Variants in KIAA1217 observed in about 807,000 individuals in gnomAD.
The protein encoded by KIAA1217 is KIAA1217.
In KIAA1217, 88 loss-of-function variants were observed where a neutral mutation model predicts 163.9. That is an observed-to-expected ratio of 0.54 (90% CI 0.45 to 0.64). The LOEUF (loss-of-function observed/expected upper bound fraction) is 0.64. Ranked by LOEUF, KIAA1217 falls within the 30% of genes least tolerant of loss-of-function variation. The pLI is 0.00. For synonymous variants in KIAA1217, 903 were observed against 923.1 expected (o/e 0.98, Z 0.39); for missense variants, 2,372 against 2,475.0 (o/e 0.96, Z 0.88).
intron 10 of KIAA1217, among the ~76,000 whole-genome samples, chr10:24,519,683 A>T (rs1458068572): frequency 6.6e-6 from 1 of 152,164 alleles, no homozygotes; most frequent in Non-Finnish European, 1.5e-5. Flanking sequence ...CAAATGCTGA[A>T]GTTGAAAAGC....
chr10:24,520,651 A>AATAT (rs71472811), intron 11 of KIAA1217, among the ~76,000 whole-genome samples: 649 of 39,512 alleles, frequency 0.016, 27 homozygotes, highest in South Asian at 0.034. Flanking sequence ...AAAAAAAAAA[A>AATAT]ATATATATAT....
At chr10:23,824,653 AAAAAAATATATAT>A (rs1564453864) in intron 1 of KIAA1217, among the ~76,000 whole-genome samples, 2 of 108,790 alleles carry the variant, frequency 1.8e-5, no homozygotes, top group East Asian at 4.5e-4. Context: ...AAAAAAAATA[AAAAAAATATATAT>A]ATATATATAT....
chr10:24,250,036 AG>A (rs2074290922), intron 2 of KIAA1217, among the ~76,000 whole-genome samples: 1 of 152,154 alleles, frequency 6.6e-6, no homozygotes, highest in Non-Finnish European at 1.5e-5. Context: ...GATGCACCAA[AG>A]GGTGGAGTTG....
At chr10:24,520,687 C>CACAA (rs1269831674) in intron 11 of KIAA1217, among the ~76,000 whole-genome samples, 30 of 81,470 alleles carry the variant, frequency 3.7e-4, no homozygotes, top group East Asian at 4.7e-4. Flanking sequence ...CACACACACA[C>CACAA]AAAAAAAAAT....
At chr10:23,934,606 T>TATGTATATATGTATATATAC (rs1491195575) in intron 1 of KIAA1217, among the ~76,000 whole-genome samples, 1 of 76,278 alleles carries the variant, frequency 1.3e-5, no homozygotes, top group African/African-American at 1.4e-4. Flanking sequence ...TATATATATA[T>TATGTATATATGTATATATAC]GTATATATAT....
chr10:23,994,590 AG>A (rs1846380400), intron 1 of KIAA1217, among the ~76,000 whole-genome samples: 1 of 152,214 alleles, frequency 6.6e-6, no homozygotes, highest in East Asian at 1.9e-4. Context: ...GTGGAAGCCA[AG>A]ATCATGTCTG....
chr10:24,361,982 CAAAAAAA>C (rs68117028), intron 2 of KIAA1217, among the ~76,000 whole-genome samples: 5 of 100,572 alleles, frequency 5.0e-5, no homozygotes, highest in Non-Finnish European at 5.9e-5. Context: ...GACTCTGTCT[CAAAAAAA>C]AAAAAAAAAA....
intron 3 of KIAA1217, among the ~76,000 whole-genome samples, chr10:24,426,039 G>A (rs1409024372): frequency 6.6e-6 from 1 of 152,130 alleles, no homozygotes; most frequent in Non-Finnish European, 1.5e-5. Context: ...TTTGCCACTG[G>A]TATTGCAGAT....
intron 8 of KIAA1217, among the ~76,000 whole-genome samples, chr10:24,500,907 A>T (rs1262979397): frequency 6.6e-6 from 1 of 152,030 alleles, no homozygotes; most frequent in Non-Finnish European, 1.5e-5. Flanking sequence ...ATACGGTGAG[A>T]CCCTGTTCTC....
At position 24,128,133 on chromosome 10, in the gene KIAA1217, G is replaced by A. The variant is rs531342811; in HGVS notation, c.-170-91493G>A. ...AGGCGGAGTCTGTTGTTAGCTGCAT[G>A]ATGAGAGCGGAGACGCTGAATCTTT... On this transcript the variant is annotated intron_variant, in intron 2 of 18. Transcript: ENST00000376462. Among the ~76,000 whole-genome samples the A allele has an allele frequency of 2.5e-4, 38 of 152,312 alleles. No homozygotes were observed. In the South Asian group the frequency reaches 7.2e-3, roughly 29 times the overall value.
At chr10:23,770,996 T>A (rs1034387255) in intron 1 of KIAA1217, among the ~76,000 whole-genome samples, 2 of 152,222 alleles carry the variant, frequency 1.3e-5, no homozygotes, top group Admixed American at 1.3e-4. Flanking sequence ...GATCAGCCCT[T>A]TTCTCCTTTC....
chr10:24,340,244 A>G (rs950516192), intron 2 of KIAA1217, among the ~76,000 whole-genome samples: 1 of 152,128 alleles, frequency 6.6e-6, no homozygotes, highest in African/African-American at 2.4e-5. Flanking sequence ...TTTGAATTGT[A>G]GCTCCCACAG....
chr10:24,169,405 A>G (rs144572427), intron 2 of KIAA1217, among the ~76,000 whole-genome samples: 2,597 of 124,214 alleles, frequency 0.021, 27 homozygotes, highest in Middle Eastern at 0.089. Flanking sequence ...GAATAAGACC[A>G]CCATCAGTCT....
intron 1 of KIAA1217, among the ~76,000 whole-genome samples, chr10:23,881,508 A>G (rs1424489564): frequency 6.6e-6 from 1 of 151,948 alleles, no homozygotes; most frequent in Non-Finnish European, 1.5e-5. Flanking sequence ...CTATTTTGTA[A>G]ATCACTTTAA....
chr10:23,710,472 G>T (rs1189330417), intron 1 of KIAA1217, among the ~76,000 whole-genome samples: 1 of 152,118 alleles, frequency 6.6e-6, no homozygotes, highest in Non-Finnish European at 1.5e-5. Flanking sequence ...GATTGTATTG[G>T]CTCAAGAAAC....
At chr10:23,851,665 C>G (rs1351273803) in intron 1 of KIAA1217, among the ~76,000 whole-genome samples, 1 of 152,202 alleles carries the variant, frequency 6.6e-6, no homozygotes, top group Non-Finnish European at 1.5e-5. Context: ...CACATCCTCT[C>G]CAGCACCTGC....
At chr10:24,272,008 G>A (rs1036193141) in intron 2 of KIAA1217, among the ~76,000 whole-genome samples, 1 of 152,094 alleles carries the variant, frequency 6.6e-6, no homozygotes, top group African/African-American at 2.4e-5. Context: ...AAAGCCCATG[G>A]GATGCTCGTG....
intron 2 of KIAA1217, chr10:24,367,090 T>A: frequency 1.1e-6 from 1 of 940,772 alleles, no homozygotes; most frequent in Non-Finnish European, 1.3e-6. Flanking sequence ...TTCTTTCCTA[T>A]TTTTTTCTTG....
chr10:24,082,631 T>C lies in KIAA1217; in HGVS notation c.-171+75257T>C, dbSNP rs540686333. 2.0e-5 allele frequency among the ~76,000 whole-genome samples: 3 copies of C among 152,338 alleles called. No homozygotes were observed. In the South Asian group the frequency reaches 6.2e-4, roughly 32 times the overall value. ...TGGTGTATATGTACCACAGTTTCTT[T>C]ATCCAGTCTATCATTGATGGGCATT... On this transcript the variant is annotated intron_variant, in intron 2 of 18. Transcript: ENST00000376462.
Sources: allele counts gnomAD v4.1 joint callset (sites outside exome capture counted in the v4.1 genomes callset), GRCh38; gene constraint gnomAD v4.1.1; transcripts MANE v1.5; gene names NCBI Gene and HGNC (gene_info 2026-07-23, HGNC 2026-07-21).